Variants in ARRDC3 observed in about 807,000 individuals in gnomAD.
ARRDC3 encodes the protein arrestin domain-containing protein 3.
A neutral mutation model predicts 47.2 loss-of-function variants in ARRDC3; 10 were observed. That is an observed-to-expected ratio of 0.21 (90% CI 0.13 to 0.36). The LOEUF (loss-of-function observed/expected upper bound fraction) is 0.36. Ranked by LOEUF, ARRDC3 falls within the 10% of genes least tolerant of loss-of-function variation. ARRDC3 has a pLI of 1.00. For missense variants in ARRDC3, 381 were observed against 503.6 expected, an observed-to-expected ratio of 0.76 and a Z score of 2.33; for synonymous variants, 156 against 178.3, an observed-to-expected ratio of 0.87 and a Z score of 1.00.
chr5:91,382,282 A>G (rs1799472939), intron 1 of ARRDC3, among the ~76,000 whole-genome samples: 1 of 152,250 alleles, frequency 6.6e-6, no homozygotes, highest in African/African-American at 2.4e-5. Context: ...TGTTGATACC[A>G]TATGTCAAAA....
chr5:91,373,953 C>G, intron 6 of ARRDC3, 115 bp from the exon 7 acceptor site: 2 of 1,487,276 alleles, frequency 1.3e-6, no homozygotes, highest in East Asian at 4.6e-5. Context: ...GTTTGGTGAT[C>G]AAAACTATGA....
intron 7 of ARRDC3, among the ~76,000 whole-genome samples, chr5:91,371,782 CTTAA>C (rs1280321346): frequency 6.6e-6 from 1 of 152,104 alleles, no homozygotes; most frequent in Non-Finnish European, 1.5e-5. Context: ...TTTAGTAGTA[CTTAA>C]TTAAGACCTA....
Position 91,382,997 on chromosome 5 carries a change from T to G in ARRDC3, c.96A>C (p.Gly32=). The G allele has an allele frequency of 6.2e-7, 1 of 1,614,110 alleles. No individual in the cohort carries two copies. Among genetic ancestry groups the G allele is most frequent in the Non-Finnish European group, 8.5e-7 (1 of 1,180,006 alleles). ...PVYSSGDTVS[G]RVNLEVTGEI... ...CCCCAGTAACTTCTAAATTTACCCTTCCTGAGACGGTATCCCCACTAGAAT... is the reference window on the plus strand; with the variant it reads ...CCCCAGTAACTTCTAAATTTACCCTGCCTGAGACGGTATCCCCACTAGAAT... Residue 32 remains glycine (G), a synonymous_variant, in exon 1 of 8, where the codon GGA becomes GGC. Transcript: ENST00000265138.
Position 91,380,850 on chromosome 5 carries a change from T to A in ARRDC3, c.280+1963A>T, listed in dbSNP as rs369645420. The A allele has an allele frequency of 8.5e-5, 13 of 152,418 alleles. No homozygotes were observed. The East Asian group carries it at 2.3e-3, about 27-fold the overall frequency. 9.4% of individuals were successfully genotyped at this position (152,418 alleles called of 1,614,324 possible). The stretch of plus-strand genomic sequence containing the variant: ...GAAGTCGTTTCCTTTCGATGGCCCT[T>A]AGGAGGCCCAAAAGAGGGGCGACAG... On this transcript the variant is annotated intron_variant, in intron 1 of 7. Transcript: ENST00000265138.
chr5:91,374,837 G>T, intron 5 of ARRDC3, 85 bp downstream of exon 5: 1 of 1,382,058 alleles, frequency 7.2e-7, no homozygotes, highest in South Asian at 1.3e-5. Flanking sequence ...GCGGAGCTGA[G>T]ACTGTGCCAC....
intron 1 of ARRDC3, among the ~76,000 whole-genome samples, chr5:91,381,715 A>C (rs1453913196): frequency 6.6e-6 from 1 of 152,220 alleles, no homozygotes; most frequent in East Asian, 1.9e-4. Context: ...CCAACATCTG[A>C]ACTAAATACT....
At chr5:91,373,574 G>T in intron 7 of ARRDC3, 110 bp downstream of exon 7, 2 of 1,101,390 alleles carry the variant, frequency 1.8e-6, no homozygotes, top group Non-Finnish European at 2.6e-6. Context: ...TAAATTATTT[G>T]TTCTGTTAAC....
chr5:91,379,934 TC>T (rs1799404071), intron 1 of ARRDC3: 1 of 152,188 alleles, frequency 6.6e-6, no homozygotes, highest in African/African-American at 2.4e-5. Flanking sequence ...ATTTTCCTCG[TC>T]CCCTGTGCAA....
intron 3 of ARRDC3, 91 bp downstream of exon 3, chr5:91,376,530 A>T: frequency 8.7e-7 from 1 of 1,149,316 alleles, no homozygotes; most frequent in Non-Finnish European, 1.2e-6. Context: ...CAGTATTTTT[A>T]AATTATGACA....
At position 91,370,368 on chromosome 5, in the gene ARRDC3, T is replaced by C. The variant is rs1485571577; in HGVS notation, c.*1032A>G. Reference sequence around the variant, plus strand: ...TGCCTGCCATACTGCCTTTCTTCACTCCATTCTTAGCTCTGCTAGTTTCTT... The same window carrying C: ...TGCCTGCCATACTGCCTTTCTTCACCCCATTCTTAGCTCTGCTAGTTTCTT... On this transcript the variant is annotated 3_prime_UTR_variant, in exon 8 of 8. Transcript: ENST00000265138. 1 of 152,564 alleles carries C rather than the reference T, an allele frequency of 6.6e-6. No homozygotes were observed. Among genetic ancestry groups the C allele is most frequent in the Non-Finnish European group, 1.5e-5 (1 of 68,020 alleles). The allele number at this position is 152,564 out of a possible 1,614,324, so 9.5% of individuals were successfully genotyped here.
chr5:91,379,898 T>C (rs1176308517), intron 1 of ARRDC3: 1 of 152,294 alleles, frequency 6.6e-6, no homozygotes, highest in Non-Finnish European at 1.5e-5. Flanking sequence ...TTAAAAATCA[T>C]GGTGATTCGC....
In ARRDC3 at chr5:91,370,693, A is replaced by C. The variant is rs1269398434; in HGVS notation, c.*707T>G. On this transcript the variant is annotated 3_prime_UTR_variant, in exon 8 of 8. Transcript: ENST00000265138. ...AGTCTCTTATTAGCTTCCTCCTCTT[A>C]TCTCTTTTTTTCCCACATTATCTGT... 4 of 152,558 alleles carry C rather than the reference A, an allele frequency of 2.6e-5. No individual in the cohort carries two copies. Among genetic ancestry groups the C allele is most frequent in the Non-Finnish European group, 5.9e-5 (4 of 68,010 alleles). The allele number at this position is 152,558 out of a possible 1,614,324, so 9.5% of individuals were successfully genotyped here.
intron 7 of ARRDC3, among the ~76,000 whole-genome samples, chr5:91,372,245 T>C (rs1424565752): frequency 6.6e-6 from 1 of 152,202 alleles, no homozygotes; most frequent in East Asian, 1.9e-4. Flanking sequence ...CATCTAAATG[T>C]GGAACAACCC....
At chr5:91,371,738 AT>A (rs999183591) in intron 7 of ARRDC3, among the ~76,000 whole-genome samples, 91 of 152,294 alleles carry the variant, frequency 6.0e-4, no homozygotes, top group African/African-American at 2.1e-3. Context: ...TAACAGTAAA[AT>A]TTTATCAGTG....
At chr5:91,378,624 A>C in intron 2 of ARRDC3, 70 bp downstream of exon 2, 1 of 876,678 alleles carries the variant, frequency 1.1e-6, no homozygotes, top group Non-Finnish European at 1.7e-6. Context: ...TTAAATTTAG[A>C]ATACTTAATT....
chr5:91,373,397 T>C (rs118011031), intron 7 of ARRDC3, among the ~76,000 whole-genome samples: 2 of 151,956 alleles, frequency 1.3e-5, no homozygotes, highest in South Asian at 4.2e-4. Context: ...ACAAAATTCT[T>C]CCTTCAAAAA....
At chr5:91,372,128 T>G (rs1799193436) in intron 7 of ARRDC3, among the ~76,000 whole-genome samples, 1 of 152,054 alleles carries the variant, frequency 6.6e-6, no homozygotes, top group Non-Finnish European at 1.5e-5. Flanking sequence ...ATATTTTTAA[T>G]GAAAAGTTGC....
At position 91,369,269 on chromosome 5, in the gene ARRDC3, G is replaced by C. The variant is rs1385820361; in HGVS notation, c.*2131C>G. ...AGTCAGTTAGACGTAAGAGAGAAAA[G>C]GGATTTTCTGACAATCCCCCTCAAA... On this transcript the variant is annotated 3_prime_UTR_variant, in exon 8 of 8. Coordinates refer to ENST00000265138, the MANE Select transcript of ARRDC3 (RefSeq NM_020801.4). The C allele has an allele frequency of 6.6e-6, 1 of 152,410 alleles. No homozygotes were observed. Among genetic ancestry groups the C allele is most frequent in the African/African-American group, 2.4e-5 (1 of 41,374 alleles). 9.4% of individuals were successfully genotyped at this position (152,410 alleles called of 1,614,324 possible).
Position 91,376,611 on chromosome 5 carries a change from C to A in ARRDC3, c.510+10G>T. ...AAAAACAAAGAATAAATAATTCAGT[C>A]AATTCTTACCAGTAATGAAGGAGTG... On this transcript the variant is annotated intron_variant, in intron 3 of 7. Transcript: ENST00000265138. The A allele has an allele frequency of 6.3e-7, 1 of 1,591,068 alleles. No individual in the cohort carries two copies. Among genetic ancestry groups the A allele is most frequent in the Non-Finnish European group, 8.6e-7 (1 of 1,165,368 alleles).
Sources: gnomAD v4.1 joint callset for allele counts (sites outside exome capture counted in the v4.1 genomes callset) on GRCh38, gnomAD v4.1.1 for gene constraint, MANE v1.5 for transcripts, NCBI Gene and HGNC (gene_info 2026-07-23, HGNC 2026-07-21) for gene names.